The following SCHIP1 variants were observed in gnomAD, a reference collection of about 807,000 sequenced individuals.
The protein encoded by SCHIP1 is schwannomin interacting protein 1.
In SCHIP1, 8 loss-of-function variants were observed where a neutral mutation model predicts 29.7. That is an observed-to-expected ratio of 0.27 (90% CI 0.16 to 0.49). The LOEUF is 0.49. Ranked by LOEUF, SCHIP1 falls within the 20% of genes least tolerant of loss-of-function variation. The probability of loss-of-function intolerance (pLI) is 0.99; values close to 1 mark genes in which losing one functional copy is unlikely to be tolerated. For missense variants in SCHIP1, 193 were observed against 294.6 expected (o/e 0.66, Z 2.52); for synonymous variants, 76 against 94.9 (o/e 0.80, Z 1.16).
chr3:159,615,689 G>T, the SCHIP1 span, among the ~76,000 whole-genome samples: 1 of 152,154 alleles, frequency 6.6e-6, no homozygotes, highest in Non-Finnish European at 1.5e-5. Context: ...GAGGAATAAG[G>T]TTCACCTGAC....
the SCHIP1 span, among the ~76,000 whole-genome samples, chr3:159,276,726 G>A: frequency 6.6e-6 from 1 of 152,228 alleles, no homozygotes; most frequent in Admixed American, 6.5e-5. Flanking sequence ...TATACACATT[G>A]CTGAAAGTCC....
the SCHIP1 span, among the ~76,000 whole-genome samples, chr3:159,809,874 G>T: frequency 6.6e-6 from 1 of 151,982 alleles, no homozygotes; most frequent in African/African-American, 2.4e-5. Context: ...TGCAAATGTA[G>T]TCCCAGCTAT....
At chr3:159,534,154 C>A in the SCHIP1 span, among the ~76,000 whole-genome samples, 1 of 152,166 alleles carries the variant, frequency 6.6e-6, no homozygotes, top group Non-Finnish European at 1.5e-5. Flanking sequence ...TAATACTTGA[C>A]CTTTTCTAGA....
chr3:159,416,909 G>A, the SCHIP1 span, among the ~76,000 whole-genome samples: 5 of 152,166 alleles, frequency 3.3e-5, no homozygotes, highest in Admixed American at 2.0e-4. Flanking sequence ...CTGTTGCTCC[G>A]TCAAGGGAAA....
At chr3:159,537,183 G>C in the SCHIP1 span, among the ~76,000 whole-genome samples, 2 of 152,118 alleles carry the variant, frequency 1.3e-5, no homozygotes, top group South Asian at 4.1e-4. Flanking sequence ...AGACCAAGGA[G>C]GGATGAAATT....
the SCHIP1 span, among the ~76,000 whole-genome samples, chr3:159,641,335 T>C: frequency 3.9e-5 from 6 of 152,304 alleles, no homozygotes; most frequent in East Asian, 9.6e-4. Context: ...TTTTACTGCA[T>C]CAAAGATAGG....
the SCHIP1 span, among the ~76,000 whole-genome samples, chr3:159,803,909 CA>C: frequency 0.16 from 23,915 of 152,184 alleles, 1,979 homozygotes; most frequent in East Asian, 0.22. Context: ...TCCCATTTTA[CA>C]GATTTAGAAG....
the SCHIP1 span, among the ~76,000 whole-genome samples, chr3:159,664,553 G>A: frequency 6.6e-6 from 1 of 152,082 alleles, no homozygotes; most frequent in African/African-American, 2.4e-5. Flanking sequence ...AAGTTCAATA[G>A]AGTTTTCCTA....
chr3:159,694,552 GA>G, the SCHIP1 span, among the ~76,000 whole-genome samples: 1 of 76,950 alleles, frequency 1.3e-5, no homozygotes, highest in Non-Finnish European at 3.0e-5. Context: ...AAGAAAGAAA[GA>G]AAGAAAGAAA....
Position 159,859,532 on chromosome 3 carries a change from T to C in SCHIP1, c.31-6631T>C, listed in dbSNP as rs532725866. On this transcript the variant is annotated intron_variant, in intron 1 of 6. Coordinates refer to ENST00000445224, the Ensembl canonical transcript of SCHIP1. ...AGAGAGCTTCAGAATCCCAGTTACGTTCCCTGGCGGATGCTGCTAATGGTG... is the reference window on the plus strand; with the variant it reads ...AGAGAGCTTCAGAATCCCAGTTACGCTCCCTGGCGGATGCTGCTAATGGTG... Among the ~76,000 whole-genome samples, 17 of 152,276 alleles carry C rather than the reference T, an allele frequency of 1.1e-4. No homozygotes were observed. In the South Asian group the frequency reaches 3.5e-3, roughly 32 times the overall value.
At chr3:159,835,954 T>C (rs1454076069), upstream of SCHIP1, among the ~76,000 whole-genome samples, 1 of 152,232 alleles carries the variant, frequency 6.6e-6, no homozygotes, top group Non-Finnish European at 1.5e-5. Context: ...GCAGAAACAA[T>C]ATTTTAATAA....
At chr3:159,636,657 G>A in the SCHIP1 span, among the ~76,000 whole-genome samples, 237 of 152,316 alleles carry the variant, frequency 1.6e-3, no homozygotes, top group Non-Finnish European at 2.5e-3. Flanking sequence ...AGCAGGATCT[G>A]AAACATGAAT....
At chr3:159,652,721 A>G in the SCHIP1 span, among the ~76,000 whole-genome samples, 1 of 150,792 alleles carries the variant, frequency 6.6e-6, no homozygotes, top group Non-Finnish European at 1.5e-5. Flanking sequence ...GGCAGGAGTG[A>G]AAAAAGCCAC....
the SCHIP1 span, among the ~76,000 whole-genome samples, chr3:159,626,251 T>TAGATAGATAG: frequency 1.1e-5 from 1 of 93,732 alleles, no homozygotes; most frequent in African/African-American, 6.0e-5. Flanking sequence ...TATCTATCTA[T>TAGATAGATAG]ATAGATAGAT....
chr3:159,447,217 A>T, the SCHIP1 span, among the ~76,000 whole-genome samples: 1 of 152,188 alleles, frequency 6.6e-6, no homozygotes, highest in African/African-American at 2.4e-5. Flanking sequence ...GGAGGTAAAA[A>T]GATCAACCTT....
At chr3:159,734,981 T>C in the SCHIP1 span, among the ~76,000 whole-genome samples, 1 of 152,078 alleles carries the variant, frequency 6.6e-6, no homozygotes, top group African/African-American at 2.4e-5. Context: ...TCAACCAGTC[T>C]CACTGTTTGA....
chr3:159,479,688 C>G, the SCHIP1 span, among the ~76,000 whole-genome samples: 8 of 152,256 alleles, frequency 5.3e-5, no homozygotes, highest in African/African-American at 1.9e-4. Context: ...GGACGGTTAA[C>G]TCTCCACCTC....
the SCHIP1 span, among the ~76,000 whole-genome samples, chr3:159,353,005 G>A: frequency 1.3e-5 from 2 of 152,046 alleles, no homozygotes; most frequent in African/African-American, 2.4e-5. Context: ...TAGAATAAAC[G>A]GTTAAGGGGA....
At chr3:159,626,129 GATAGATAGATAT>G in the SCHIP1 span, among the ~76,000 whole-genome samples, 394 of 115,182 alleles carry the variant, frequency 3.4e-3, 35 homozygotes, top group African/African-American at 0.022. Flanking sequence ...TAGATAGATA[GATAGATAGATAT>G]ATCTAGATAT....
Sources: gnomAD v4.1 joint callset for allele counts (sites outside exome capture counted in the v4.1 genomes callset) on GRCh38, gnomAD v4.1.1 for gene constraint, MANE v1.5 for transcripts, NCBI Gene and HGNC (gene_info 2026-07-23, HGNC 2026-07-21) for gene names.